Variants in BDNF observed in about 807,000 individuals in gnomAD.
BDNF encodes neurotrophic factor BDNF precursor form.
In BDNF, 1 loss-of-function variant was observed where a neutral mutation model predicts 19.5. The ratio of observed to expected loss-of-function variants is 0.05; its 90% CI spans 0.02 to 0.24. BDNF has a LOEUF of 0.24. Among genes scored for constraint, BDNF ranks in the 10% least tolerant of loss-of-function variants. The pLI, the probability that BDNF is intolerant of heterozygous loss-of-function variation, is 1.00. For missense variants in BDNF, 195 were observed against 317.6 expected, an observed-to-expected ratio of 0.61 and a Z score of 2.93; for synonymous variants, 100 against 121.6, an observed-to-expected ratio of 0.82 and a Z score of 1.17.
chr11:27,687,371 GGA>G (rs1337091230), intron 1 of BDNF, among the ~76,000 whole-genome samples: 1 of 152,140 alleles, frequency 6.6e-6, no homozygotes, highest in African/African-American at 2.4e-5. Flanking sequence ...TTAGCTTGGA[GGA>G]GTCTGTTTTT....
intron 1 of BDNF, among the ~76,000 whole-genome samples, chr11:27,693,597 G>A (rs1043018426): frequency 5.3e-5 from 8 of 152,124 alleles, no homozygotes; most frequent in African/African-American, 1.7e-4. Context: ...GAATACCTTC[G>A]AGAGTTTGGC....
chr11:27,660,719 A>G (rs1183533399), intron 1 of BDNF, among the ~76,000 whole-genome samples: 1 of 151,918 alleles, frequency 6.6e-6, no homozygotes, highest in Non-Finnish European at 1.5e-5. Context: ...CATTTTATAT[A>G]TCACTAAGAA....
chr11:27,661,436 G>C lies in BDNF; in HGVS notation c.-21-2851C>G, dbSNP rs532602516. On this transcript the variant is annotated intron_variant, in intron 1 of 1. Transcript: ENST00000356660. ...CCAATCCAGTCAGTAAAGATGTCCT[G>C]TTAATTTTTCCTTTAAAATATTTGT... Among the ~76,000 whole-genome samples, 6 of 152,286 alleles carry C rather than the reference G, an allele frequency of 3.9e-5. No homozygotes were observed. In the East Asian group the frequency reaches 1.2e-3, roughly 29 times the overall value.
chr11:27,701,097 G>A (rs1859873312), upstream of BDNF: 1 of 1,312,464 alleles, frequency 7.6e-7, no homozygotes, highest in Non-Finnish European at 1.0e-6. Context: ...TTCGCGCACT[G>A]ACCTCTCTAG....
At chr11:27,701,454 C>G, upstream of BDNF, 3 of 1,003,878 alleles carry the variant, frequency 3.0e-6, no homozygotes, top group Non-Finnish European at 3.6e-6. Context: ...TGTACTCCTT[C>G]TGTTCTGCAG....
At chr11:27,680,886 T>C (rs1288974057) in intron 1 of BDNF, among the ~76,000 whole-genome samples, 1 of 152,158 alleles carries the variant, frequency 6.6e-6, no homozygotes, top group Non-Finnish European at 1.5e-5. Context: ...GGGAACAGAA[T>C]AGAAATAAGT....
intron 1 of BDNF, among the ~76,000 whole-genome samples, chr11:27,663,671 G>A (rs891023095): frequency 6.6e-6 from 1 of 152,176 alleles, no homozygotes; most frequent in Non-Finnish European, 1.5e-5. Context: ...AAGCTAGTAG[G>A]TCACCTGTCT....
At chr11:27,708,595 T>TC (rs869171773) in intron 1 of BDNF, among the ~76,000 whole-genome samples, 1 of 276 alleles carries the variant, frequency 3.6e-3, no homozygotes, top group African/African-American at 0.045. Context: ...AGATTTACTC[T>TC]TAATTAACTG....
chr11:27,700,454 GCGCC>G (rs1590464678), exon 1 of BDNF: 12 of 984,030 alleles, frequency 1.2e-5, no homozygotes, highest in East Asian at 1.4e-3. Context: ...GCTCCAGGCT[GCGCC>G]TTGCGCCCGG....
intron 1 of BDNF, among the ~76,000 whole-genome samples, chr11:27,696,067 C>T (rs1858956884): frequency 6.6e-6 from 1 of 152,142 alleles, no homozygotes; most frequent in African/African-American, 2.4e-5. Flanking sequence ...CATTTTGCAT[C>T]TGCCATCAAT....
At chr11:27,684,494 G>A (rs1269421733) in intron 1 of BDNF, among the ~76,000 whole-genome samples, 1 of 152,146 alleles carries the variant, frequency 6.6e-6, no homozygotes, top group Non-Finnish European at 1.5e-5. Context: ...TCAAATGAAT[G>A]CTTCCAGCTT....
At chr11:27,718,800 G>A (rs1168045279) in intron 1 of BDNF, among the ~76,000 whole-genome samples, 1 of 152,026 alleles carries the variant, frequency 6.6e-6, no homozygotes, top group Non-Finnish European at 1.5e-5. Context: ...GCGCAGAGTT[G>A]GGATTCTTTC....
intron 1 of BDNF, among the ~76,000 whole-genome samples, chr11:27,717,970 T>C (rs1590506550): frequency 6.6e-6 from 1 of 152,082 alleles, no homozygotes; most frequent in Admixed American, 6.6e-5. Flanking sequence ...CTGTTAAGCA[T>C]TTTTCCTCCC....
At chr11:27,721,641 G>T in exon 1 of BDNF, 2 of 604,806 alleles carry the variant, frequency 3.3e-6, no homozygotes, top group South Asian at 4.0e-5. Flanking sequence ...AACTGGCATC[G>T]ATGTCGAAAA....
At position 27,657,601 on chromosome 11, in the gene BDNF, T is replaced by C. The variant is rs573517244; in HGVS notation, c.*220A>G. ...CAAACCACAACATTATCAAGGAATG[T>C]AATGCAGACTTTTTAAGTTGTGCGC... is the stretch of plus-strand genomic sequence containing the variant. On this transcript the variant is annotated 3_prime_UTR_variant, in exon 2 of 2. Coordinates refer to ENST00000356660, the MANE Select transcript of BDNF (RefSeq NM_001709.5). The surrounding 1 kb of genome is among the most constrained non-coding windows in gnomAD (Gnocchi z 5.0). 2,359 of 1,359,474 alleles carry C rather than the reference T, an allele frequency of 1.7e-3. 1 individual carries two copies. The highest frequency in any genetic ancestry group is 2.1e-3 in the Non-Finnish European group (2,269 of 1,058,770). 84.2% of individuals were successfully genotyped at this position (1,359,474 alleles called of 1,614,324 possible).
chr11:27,672,102 TTTAC>T (rs1855473568), intron 1 of BDNF, among the ~76,000 whole-genome samples: 1 of 152,200 alleles, frequency 6.6e-6, no homozygotes, highest in Non-Finnish European at 1.5e-5. Flanking sequence ...CTTTTGTGTT[TTTAC>T]TTAAGTAAAA....
In BDNF at chr11:27,658,956, T is replaced by C. The variant is rs1852955908; in HGVS notation, c.-21-371A>G. On this transcript the variant is annotated intron_variant, in intron 1 of 1. Coordinates refer to ENST00000356660, the MANE Select transcript of BDNF (RefSeq NM_001709.5). The surrounding 1 kb of genome is among the most constrained non-coding windows in gnomAD (Gnocchi z 5.7). ...CACGAGAAACACAAAATCATAAATG[T>C]TACTAAGCAACAACTGCAAGTGTAA... The C allele has an allele frequency of 3.6e-6, 4 of 1,126,054 alleles. No individual in the cohort carries two copies. Among genetic ancestry groups the C allele is most frequent in the Non-Finnish European group, 4.4e-6 (4 of 907,564 alleles). The allele number at this position is 1,126,054 out of a possible 1,614,324, so 69.8% of individuals were successfully genotyped here. A position where few individuals can be genotyped will look rare whatever the true frequency, so the allele number is the denominator to read the frequency against.
chr11:27,662,829 A>G lies in BDNF; in HGVS notation c.-21-4244T>C, dbSNP rs569535892. Among the ~76,000 whole-genome samples the G allele has an allele frequency of 1.0e-3, 152 of 152,334 alleles. 1 individual carries two copies. The highest frequency in any genetic ancestry group is 1.6e-3 in the Non-Finnish European group (109 of 68,028). On this transcript the variant is annotated intron_variant, in intron 1 of 1. Coordinates refer to ENST00000356660, the MANE Select transcript of BDNF (RefSeq NM_001709.5). ...GGTTCCTAACAGGCCAGGGACTGGT[A>G]ACAATCCATGGCCTGGGTGTTGCGG...
chr11:27,669,128 C>G (rs1854887631), intron 1 of BDNF, among the ~76,000 whole-genome samples: 1 of 152,168 alleles, frequency 6.6e-6, no homozygotes, highest in Non-Finnish European at 1.5e-5. Context: ...TAAATATAAT[C>G]CATCATATAA....
Sources: gnomAD v4.1 joint callset for allele counts (sites outside exome capture counted in the v4.1 genomes callset) on GRCh38, gnomAD v4.1.1 for gene constraint, Gnocchi (gnomAD v3.1) non-coding constraint, MANE v1.5 for transcripts, NCBI Gene and HGNC (gene_info 2026-07-23, HGNC 2026-07-21) for gene names.